Variants in INPP5A observed in about 807,000 individuals in gnomAD.
The protein encoded by INPP5A is 43 kDa inositol polyphosphate 5-phophatase.
INPP5A carries 14 observed loss-of-function variants against 65.2 expected under a neutral mutation model. That is an observed-to-expected ratio of 0.21 (90% CI 0.14 to 0.34). The LOEUF (loss-of-function observed/expected upper bound fraction) is 0.34. Among genes scored for constraint, INPP5A ranks in the 10% least tolerant of loss-of-function variants. The pLI is 1.00. For synonymous variants in INPP5A, 207 were observed against 208.3 expected, an observed-to-expected ratio of 0.99 and a Z score of 0.05; for missense variants, 431 against 545.6, an observed-to-expected ratio of 0.79 and a Z score of 2.09.
chr10:132,733,699 C>G (rs1036705732), intron 9 of INPP5A, among the ~76,000 whole-genome samples: 2 of 152,354 alleles, frequency 1.3e-5, no homozygotes, highest in Middle Eastern at 3.4e-3. Context: ...CCAGATCAGG[C>G]TGTGCTGAAC....
chr10:132,741,831 C>T lies in INPP5A; in HGVS notation c.733-7686C>T, dbSNP rs1468749904. On this transcript the variant is annotated intron_variant, in intron 9 of 15. Coordinates refer to ENST00000368594, the MANE Select transcript of INPP5A (RefSeq NM_005539.5). The surrounding 1 kb of genome is among the most constrained non-coding windows in gnomAD (Gnocchi z 4.4). ...GTAAACTGAGGTGGACGTTGGCGTC[C>T]GCGTCTGCTTGCTTTACTCCATAGC... Among the ~76,000 whole-genome samples, 3 of 151,862 alleles carry T rather than the reference C, an allele frequency of 2.0e-5. No homozygotes were observed. Among genetic ancestry groups the T allele is most frequent in the African/African-American group, 4.8e-5 (2 of 41,378 alleles).
In INPP5A at chr10:132,756,424, G is replaced by T. The variant is rs559144071; in HGVS notation, c.903+6579G>T. On this transcript the variant is annotated intron_variant, in intron 11 of 15. Coordinates refer to ENST00000368594, the MANE Select transcript of INPP5A (RefSeq NM_005539.5). ...TATGCACTTGTGTGTGTGCGTGTGT[G>T]TATACAGTCACGTCACATAATGTCG... Among the ~76,000 whole-genome samples, 12 of 152,274 alleles carry T rather than the reference G, an allele frequency of 7.9e-5. No individual in the cohort carries two copies. The South Asian group carries it at 2.1e-3, about 26-fold the overall frequency.
At chr10:132,596,347 A>G (rs1211204886) in intron 1 of INPP5A, among the ~76,000 whole-genome samples, 3 of 152,152 alleles carry the variant, frequency 2.0e-5, no homozygotes, top group Non-Finnish European at 4.4e-5. Flanking sequence ...CTTCTGGCAC[A>G]TGTACATTCA....
intron 5 of INPP5A, among the ~76,000 whole-genome samples, chr10:132,691,354 A>G (rs1426456493): frequency 6.6e-6 from 1 of 152,184 alleles, no homozygotes; most frequent in Non-Finnish European, 1.5e-5. Context: ...AGCCGCACAG[A>G]ATTGCAGGAG....
chr10:132,695,306 T>TG (rs1397483045), intron 5 of INPP5A, among the ~76,000 whole-genome samples: 1 of 152,154 alleles, frequency 6.6e-6, no homozygotes, highest in Non-Finnish European at 1.5e-5. Flanking sequence ...CTTCATTGTT[T>TG]GAAAAAAAAC....
chr10:132,594,621 C>T (rs2071661058), intron 1 of INPP5A, among the ~76,000 whole-genome samples: 1 of 151,866 alleles, frequency 6.6e-6, no homozygotes, highest in Non-Finnish European at 1.5e-5. Context: ...GTTTGTGTGC[C>T]TGTGCATGGG....
chr10:132,775,809 G>A (rs1847053836), intron 12 of INPP5A, among the ~76,000 whole-genome samples: 1 of 152,202 alleles, frequency 6.6e-6, no homozygotes, highest in South Asian at 2.1e-4. Context: ...GGGCGGCTGT[G>A]CTTCCTGCCA....
At chr10:132,716,309 G>A (rs1845738260) in intron 8 of INPP5A, among the ~76,000 whole-genome samples, 2 of 152,232 alleles carry the variant, frequency 1.3e-5, no homozygotes, top group Admixed American at 1.3e-4. Context: ...GGCCTCTTGT[G>A]ACACAGGCAC....
rs546298207 is a variant in INPP5A, at chr10:132,683,670, G to A, written c.307-6722G>A. 5.9e-5 allele frequency among the ~76,000 whole-genome samples: 9 copies of A among 152,326 alleles called. 1 individual carries two copies. The South Asian group carries it at 1.9e-3, about 32-fold the overall frequency. On this transcript the variant is annotated intron_variant, in intron 4 of 15. Coordinates refer to ENST00000368594, the MANE Select transcript of INPP5A (RefSeq NM_005539.5). ...AATTACAATACTCAAATAATTGGAA[G>A]TAGTCTTTATGTGCAACAGAGAAAT...
rs1489944022 is a variant in INPP5A, at chr10:132,587,034, T to TA, written c.76-20880dup. Among the ~76,000 whole-genome samples, 1 of 152,242 alleles carries TA rather than the reference T, an allele frequency of 6.6e-6. No homozygotes were observed. Among genetic ancestry groups the TA allele is most frequent in the Non-Finnish European group, 1.5e-5 (1 of 68,038 alleles). ...TGGGTGGCCCCTCCCCCGCCATCGT[T>TA]ACGCTGTCATCAGCAAGATCACTGT... On this transcript the variant is annotated intron_variant, in intron 1 of 15. Transcript: ENST00000368594. The surrounding 1 kb of genome is among the most constrained non-coding windows in gnomAD (Gnocchi z 4.3).
chr10:132,770,357 C>T (rs975948842), intron 12 of INPP5A, among the ~76,000 whole-genome samples: 16 of 152,256 alleles, frequency 1.1e-4, no homozygotes, highest in Admixed American at 9.8e-4. Context: ...TGCGTTTCCT[C>T]GCGGAGGCCG....
chr10:132,549,441 G>A lies in INPP5A; in HGVS notation c.75+11270G>A, dbSNP rs1564912281. ...TCTTGCGGTTTAACTTGCATTTCTG[G>A]TCCTACTTCCAAATAATAATTCCCC... On this transcript the variant is annotated intron_variant, in intron 1 of 15. Coordinates refer to ENST00000368594, the MANE Select transcript of INPP5A (RefSeq NM_005539.5). The surrounding 1 kb of genome is among the most constrained non-coding windows in gnomAD (Gnocchi z 4.9). Among the ~76,000 whole-genome samples, 1 of 152,198 alleles carries A rather than the reference G, an allele frequency of 6.6e-6. No homozygotes were observed. Among genetic ancestry groups the A allele is most frequent in the African/African-American group, 2.4e-5 (1 of 41,442 alleles).
At chr10:132,752,688 G>A (rs1846517082) in intron 11 of INPP5A, among the ~76,000 whole-genome samples, 1 of 123,188 alleles carries the variant, frequency 8.1e-6, no homozygotes, top group Non-Finnish European at 1.8e-5. Flanking sequence ...AGGGGGTGCG[G>A]CATGGAGGGG....
Position 132,645,987 on chromosome 10 carries a change from G to A in INPP5A, c.218+19G>A. 6.5e-7 allele frequency: 1 copy of A among 1,549,386 alleles called. No individual in the cohort carries two copies. Among genetic ancestry groups the A allele is most frequent in the Admixed American group, 1.7e-5 (1 of 59,596 alleles). On this transcript the variant is annotated intron_variant, in intron 3 of 15. Transcript: ENST00000368594. ...TCGTCAAGTAAGTCTAGGGGCAGGT[G>A]CTGGTGCATGTCCACTTCCCAGGGG... is the stretch of plus-strand genomic sequence containing the variant.
At chr10:132,646,669 C>T (rs780774424) in intron 3 of INPP5A, among the ~76,000 whole-genome samples, 12 of 152,352 alleles carry the variant, frequency 7.9e-5, no homozygotes, top group Non-Finnish European at 1.6e-4. Context: ...CTCGTCTCCA[C>T]CTCCAGACCC....
At chr10:132,623,163 A>G (rs2072130063) in intron 2 of INPP5A, among the ~76,000 whole-genome samples, 1 of 152,262 alleles carries the variant, frequency 6.6e-6, no homozygotes, top group Admixed American at 6.5e-5. Context: ...ATACACAGGA[A>G]AGCAAAAGAA....
intron 1 of INPP5A, among the ~76,000 whole-genome samples, chr10:132,582,316 T>C (rs1158017724): frequency 6.6e-6 from 1 of 152,204 alleles, no homozygotes; most frequent in Non-Finnish European, 1.5e-5. Context: ...TTTTGACTTA[T>C]CACAAGTTAA....
At chr10:132,560,908 C>CT (rs879459074) in intron 1 of INPP5A, among the ~76,000 whole-genome samples, 109 of 140,372 alleles carry the variant, frequency 7.8e-4, no homozygotes, top group Middle Eastern at 3.8e-3. Flanking sequence ...CATGCCCAGG[C>CT]TTTTTTTTTT....
At chr10:132,591,623 G>A (rs541094489) in intron 1 of INPP5A, among the ~76,000 whole-genome samples, 2 of 152,298 alleles carry the variant, frequency 1.3e-5, no homozygotes, top group African/African-American at 2.4e-5. Context: ...CAGGCCTTCC[G>A]CCTGGTTGTT....
Sources: allele counts gnomAD v4.1 joint callset (sites outside exome capture counted in the v4.1 genomes callset), GRCh38; gene constraint gnomAD v4.1.1; non-coding constraint Gnocchi (gnomAD v3.1); transcripts MANE v1.5; gene names NCBI Gene and HGNC (gene_info 2026-07-23, HGNC 2026-07-21).